MARS1: variants seen among roughly 807,000 people sequenced by gnomAD.
The protein encoded by MARS1 is methionine--tRNA ligase, cytoplasmic.
In MARS1, 80 loss-of-function variants were observed where a neutral mutation model predicts 119.5. The observed-to-expected ratio is 0.67, with a 90% CI of 0.56 to 0.81. MARS1 has a LOEUF of 0.81. MARS1 is among the 30% of genes least tolerant of loss of function. MARS1 has a pLI of 0.00. For synonymous variants in MARS1, 418 were observed against 433.4 expected, an observed-to-expected ratio of 0.96 and a Z score of 0.44; for missense variants, 945 against 1,116.5, an observed-to-expected ratio of 0.85 and a Z score of 2.19.
At chr12:57,515,380 A>G (rs376633063) in intron 18 of MARS1, 44 bp downstream of exon 18, 80 of 1,586,086 alleles carry the variant, frequency 5.0e-5, no homozygotes, top group Non-Finnish European at 6.3e-5. Context: ...TACTCTTGCC[A>G]TGCAGCTTTT....
At chr12:57,514,426 G>C (rs570278037) in intron 15 of MARS1, among the ~76,000 whole-genome samples, 2 of 152,268 alleles carry the variant, frequency 1.3e-5, no homozygotes, top group Non-Finnish European at 2.9e-5. Context: ...CTCCCAGAGT[G>C]CTGGGATTTT....
chr12:57,497,534 C>T (rs1234696702), intron 7 of MARS1, among the ~76,000 whole-genome samples: 1 of 152,110 alleles, frequency 6.6e-6, no homozygotes. Flanking sequence ...CATTGAGTGC[C>T]TTCAGACAGC....
At chr12:57,493,580 TATATAATATATTATAATATATAATATATA>T (rs1876243411) in intron 7 of MARS1, among the ~76,000 whole-genome samples, 15 of 10,396 alleles carry the variant, frequency 1.4e-3, no homozygotes, top group Non-Finnish European at 2.1e-3. Flanking sequence ...TAATATATAA[TATATAATATATTATAATATATAATATATA>T]ATATATTATA....
In MARS1 at chr12:57,516,497, G is replaced by C. The variant is rs762100988; in HGVS notation, c.2619G>C (p.Val873=). 3.3e-5 allele frequency: 54 copies of C among 1,613,716 alleles called. No individual in the cohort carries two copies. Among genetic ancestry groups the C allele is most frequent in the Non-Finnish European group, 4.4e-5 (52 of 1,179,940 alleles). ...KADKNEVAAE[V]AKLLDLKKQL... ...ACAAGAACGAGGTTGCTGCGGAGGT[G>C]GCGAAACTCTTGGATCTAAAGAAAC... Residue 873 remains valine (V), a synonymous_variant, in exon 21 of 21, where the codon GTG becomes GTC. Coordinates refer to ENST00000262027, the MANE Select transcript of MARS1 (RefSeq NM_004990.4).
In MARS1 at chr12:57,490,018, G is replaced by A. The variant is rs899653; in HGVS notation, c.490+47G>A. ...CCAACCCTAGGAGCTTGGTGTAGGG[G>A]TTACAGAATGGGCAGTAGAATACTG... On this transcript the variant is annotated intron_variant, in intron 5 of 20. Coordinates refer to ENST00000262027, the MANE Select transcript of MARS1 (RefSeq NM_004990.4). The A allele has an allele frequency of 0.83, 1,297,511 of 1,564,156 alleles. 552,607 individuals are homozygous for A. Among genetic ancestry groups the A allele is most frequent in the Non-Finnish European group, 0.87 (991,623 of 1,134,944 alleles).
chr12:57,508,736 A>T (rs1192244446), intron 11 of MARS1, among the ~76,000 whole-genome samples: 1 of 27,994 alleles, frequency 3.6e-5, no homozygotes, highest in Admixed American at 3.7e-4. Flanking sequence ...GCATTTTTGT[A>T]TTTCTAATAG....
intron 16 of MARS1, 49 bp from the exon 17 acceptor site, chr12:57,514,905 A>G (rs1877709161): frequency 6.2e-7 from 1 of 1,613,734 alleles, no homozygotes; most frequent in East Asian, 2.2e-5. Context: ...GCCTCCTTGT[A>G]TTGGTCTCTG....
Position 57,500,540 on chromosome 12 carries a change from A to G in MARS1, c.1293+18A>G, listed in dbSNP as rs1876873507. 1 of 1,611,820 alleles carries G rather than the reference A, an allele frequency of 6.2e-7. No homozygotes were observed. Among genetic ancestry groups the G allele is most frequent in the Non-Finnish European group, 8.5e-7 (1 of 1,178,584 alleles). ...AGCTTAAGGTAAGAGGAGGGTCTCC[A>G]TGGGAGCCCGGAAGGAGACAGTCCT... On this transcript the variant is annotated intron_variant, in intron 10 of 20. Transcript: ENST00000262027.
chr12:57,490,740 C>A, intron 7 of MARS1, 96 bp downstream of exon 7: 1 of 758,180 alleles, frequency 1.3e-6, no homozygotes, highest in Non-Finnish European at 2.2e-6. Context: ...TTGCTGATCT[C>A]TCTTTAATTT....
chr12:57,492,036 T>C (rs1047987227), intron 7 of MARS1, among the ~76,000 whole-genome samples: 5 of 151,856 alleles, frequency 3.3e-5, no homozygotes, highest in Admixed American at 2.0e-4. Flanking sequence ...TCCTAGCACT[T>C]TGGGAGGCTG....
At chr12:57,499,331 C>G (rs1260411650) in intron 9 of MARS1, among the ~76,000 whole-genome samples, 1 of 147,676 alleles carries the variant, frequency 6.8e-6, no homozygotes, top group Non-Finnish European at 1.5e-5. Flanking sequence ...CGCGGTGGCT[C>G]ACACCTGTAA....
intron 10 of MARS1, among the ~76,000 whole-genome samples, chr12:57,501,252 G>A (rs1187150470): frequency 6.6e-6 from 1 of 152,246 alleles, no homozygotes; most frequent in Non-Finnish European, 1.5e-5. Context: ...GAGGAGGAGG[G>A]TAGACTGAGA....
chr12:57,490,032 A>C (rs1397819401), intron 5 of MARS1, 61 bp downstream of exon 5: 1 of 1,515,666 alleles, frequency 6.6e-7, no homozygotes, highest in East Asian at 2.3e-5. Flanking sequence ...CAGAATGGGC[A>C]GTAGAATACT....
chr12:57,500,214 C>T (rs1745585832), intron 9 of MARS1, 107 bp from the exon 10 acceptor site: 9 of 877,832 alleles, frequency 1.0e-5, no homozygotes, highest in East Asian at 2.4e-5. Flanking sequence ...GAGCCTTCTG[C>T]CTGATTTCTT....
chr12:57,504,141 C>T lies in MARS1; in HGVS notation c.1294-84C>T, dbSNP rs1031875944. The T allele has an allele frequency of 4.4e-5, 39 of 895,926 alleles. No homozygotes were observed. The Admixed American group carries it at 6.6e-4, about 15-fold the overall frequency. 55.5% of individuals were successfully genotyped at this position (895,926 alleles called of 1,614,324 possible). A position where few individuals can be genotyped will look rare whatever the true frequency, so the allele number is the denominator to read the frequency against. The stretch of plus-strand genomic sequence containing the variant: ...CTAAACTAGATGGCAGACTGAGGAG[C>T]TAATCCTTCTCTGCTCCTCCCCTTG... On this transcript the variant is annotated intron_variant, in intron 10 of 20. Coordinates refer to ENST00000262027, the MANE Select transcript of MARS1 (RefSeq NM_004990.4).
chr12:57,511,676 C>T (rs1438204199), intron 11 of MARS1, 22 bp from the exon 12 acceptor site: 5 of 1,613,316 alleles, frequency 3.1e-6, no homozygotes, highest in Admixed American at 1.7e-5. Context: ...CCTAAATCAG[C>T]CCTCTTTCTC....
Position 57,489,042 on chromosome 12 carries a change from CG to C in MARS1, c.135del (p.Pro46LeufsTer58). The C allele has an allele frequency of 6.2e-7, 1 of 1,613,936 alleles. No homozygotes were observed. The highest frequency in any genetic ancestry group is 1.1e-5 in the South Asian group (1 of 91,086). On this transcript the variant is annotated frameshift_variant, in exon 2 of 21. Transcript: ENST00000262027. LOFTEE classifies it high-confidence loss of function. ...PEDCVVPFLTRPKVPVLQLDS... is the reference protein window; with the variant it reads ...PEDCVVPFLTXPKVPVLQLDS... Reference sequence around the variant, plus strand: ...AGATTGTGTGGTCCCGTTCCTGACCCGGCCTAAGGTCCCTGTCTTGCAGCTG... The same window carrying C: ...AGATTGTGTGGTCCCGTTCCTGACCCGCCTAAGGTCCCTGTCTTGCAGCTG...
At chr12:57,490,508 C>T (rs369040632) in intron 6 of MARS1, 30 bp from the exon 7 acceptor site, 312 of 1,612,216 alleles carry the variant, frequency 1.9e-4, no homozygotes, top group South Asian at 1.6e-3. Flanking sequence ...CCCTCCTCAC[C>T]TGGTAAGGGA....
At chr12:57,501,226 C>T (rs569727148) in intron 10 of MARS1, among the ~76,000 whole-genome samples, 1 of 152,342 alleles carries the variant, frequency 6.6e-6, no homozygotes, top group East Asian at 1.9e-4. Context: ...GCCAGTATAG[C>T]ACTAGCACAG....
Sources: gnomAD v4.1 joint callset for allele counts (sites outside exome capture counted in the v4.1 genomes callset) on GRCh38, gnomAD v4.1.1 for gene constraint, MANE v1.5 for transcripts, NCBI Gene and HGNC (gene_info 2026-07-23, HGNC 2026-07-21) for gene names.